The following FNBP1L variants were observed in gnomAD, a reference collection of about 807,000 sequenced individuals.
FNBP1L encodes the protein formin binding protein 1 like.
In FNBP1L, 36 loss-of-function variants were observed where a neutral mutation model predicts 91.2. The ratio of observed to expected loss-of-function variants is 0.39; its 90% confidence interval spans 0.30 to 0.52. FNBP1L has a LOEUF of 0.52. Ranked by LOEUF, FNBP1L falls within the 20% of genes least tolerant of loss-of-function variation. FNBP1L has a pLI of 0.66. For missense variants in FNBP1L, 571 were observed against 732.1 expected (o/e 0.78, Z 2.54); for synonymous variants, 242 against 237.0 (o/e 1.02, Z -0.19).
chr1:93,531,159 G>A (rs1671665456), intron 7 of FNBP1L, among the ~76,000 whole-genome samples: 1 of 152,174 alleles, frequency 6.6e-6, no homozygotes, highest in Non-Finnish European at 1.5e-5. Flanking sequence ...CATGACAAAG[G>A]AGAATTAATT....
chr1:93,522,663 T>A (rs1671368977), intron 3 of FNBP1L, among the ~76,000 whole-genome samples: 1 of 152,148 alleles, frequency 6.6e-6, no homozygotes, highest in African/African-American at 2.4e-5. Context: ...ACTCTGTATA[T>A]AATTGTCAGT....
At chr1:93,528,014 T>G (rs1419010995) in intron 5 of FNBP1L, among the ~76,000 whole-genome samples, 2 of 151,402 alleles carry the variant, frequency 1.3e-5, no homozygotes, top group African/African-American at 4.9e-5. Flanking sequence ...AAATGAAAGA[T>G]AAAGTTCAAT....
chr1:93,481,841 A>G (rs923105124), intron 1 of FNBP1L, among the ~76,000 whole-genome samples: 1 of 152,150 alleles, frequency 6.6e-6, no homozygotes, highest in African/African-American at 2.4e-5. Context: ...TTTAGGTAAA[A>G]TTTCAGTCTG....
intron 14 of FNBP1L, 147 bp downstream of exon 14, chr1:93,547,588 T>C: frequency 1.5e-6 from 1 of 646,840 alleles, no homozygotes. Context: ...GTAATTTTCT[T>C]TAGTGATAAT....
chr1:93,460,377 C>G (rs919181637), intron 1 of FNBP1L, among the ~76,000 whole-genome samples: 1 of 152,204 alleles, frequency 6.6e-6, no homozygotes, highest in African/African-American at 2.4e-5. Context: ...TTCCCAACCT[C>G]CAGAACAATG....
Position 93,524,251 on chromosome 1 carries a change from T to C in FNBP1L, c.343-10T>C. The C allele has an allele frequency of 1.4e-6, 2 of 1,475,608 alleles. No individual in the cohort carries two copies. The highest frequency in any genetic ancestry group is 3.0e-5 in the South Asian group (2 of 67,634). The allele number at this position is 1,475,608 out of a possible 1,614,324, so 91.4% of individuals were successfully genotyped here. ...TTTTTATTTTTTTTGGCCGTGGTTATAATCTTCAGCATCTGCAAGAAGGAC... is the reference window on the plus strand; with the variant it reads ...TTTTTATTTTTTTTGGCCGTGGTTACAATCTTCAGCATCTGCAAGAAGGAC... On this transcript the variant is annotated splice_polypyrimidine_tract_variant and intron_variant, in intron 4 of 16. Coordinates refer to ENST00000271234, the MANE Select transcript of FNBP1L (RefSeq NM_001164473.3).
chr1:93,502,225 T>A (rs1670460545), intron 2 of FNBP1L, among the ~76,000 whole-genome samples: 1 of 152,194 alleles, frequency 6.6e-6, no homozygotes, highest in Admixed American at 6.5e-5. Context: ...ATGATTACCG[T>A]TGTGGAACCA....
intron 2 of FNBP1L, among the ~76,000 whole-genome samples, chr1:93,516,665 G>A (rs1038091915): frequency 2.6e-5 from 4 of 151,966 alleles, no homozygotes; most frequent in African/African-American, 9.7e-5. Flanking sequence ...AATTAGCTGG[G>A]CGTGGTGGTG....
intron 1 of FNBP1L, among the ~76,000 whole-genome samples, chr1:93,461,939 G>A (rs886225034): frequency 2.6e-5 from 4 of 152,190 alleles, no homozygotes; most frequent in Admixed American, 6.5e-5. Context: ...TGAAGGACTC[G>A]TGTGTCTTAG....
At chr1:93,547,309 T>C in intron 13 of FNBP1L, 38 bp from the exon 14 acceptor site, 1 of 1,440,452 alleles carries the variant, frequency 6.9e-7, no homozygotes, top group South Asian at 1.2e-5. Context: ...TTAAACATAT[T>C]TATTGAGCTC....
rs1216973805 is a variant in FNBP1L, at chr1:93,527,049, CCTCATTTGGTGT to C, written c.406-2597_406-2586del. Among the ~76,000 whole-genome samples the C allele has an allele frequency of 4.6e-5, 7 of 152,060 alleles. No homozygotes were observed. The East Asian group carries it at 1.4e-3, about 29-fold the overall frequency. Reference sequence around the variant, plus strand: ...AGGGGCTTTGAGTAAATTACAAGTGCCTCATTTGGTGTCTCATACTAATCAAAATACCTGTAC... The same window carrying C: ...AGGGGCTTTGAGTAAATTACAAGTGCCTCATACTAATCAAAATACCTGTAC... On this transcript the variant is annotated intron_variant, in intron 5 of 16. Coordinates refer to ENST00000271234, the MANE Select transcript of FNBP1L (RefSeq NM_001164473.3).
chr1:93,451,854 G>A (rs1232115956), intron 1 of FNBP1L, among the ~76,000 whole-genome samples: 3 of 152,076 alleles, frequency 2.0e-5, no homozygotes, highest in African/African-American at 4.8e-5. Flanking sequence ...TTTTCACCAC[G>A]TTGGCCAGGC....
chr1:93,450,192 C>T (rs1668446270), intron 1 of FNBP1L, among the ~76,000 whole-genome samples: 1 of 151,798 alleles, frequency 6.6e-6, no homozygotes, highest in Non-Finnish European at 1.5e-5. Context: ...ACTTATGGTA[C>T]TACCTAAGGA....
At chr1:93,456,554 G>C (rs1395429842) in intron 1 of FNBP1L, among the ~76,000 whole-genome samples, 1 of 134,834 alleles carries the variant, frequency 7.4e-6, no homozygotes, top group Non-Finnish European at 1.6e-5. Context: ...TGGAGCTCTT[G>C]AACCCAGAGA....
rs368790036 is a variant in FNBP1L, at chr1:93,470,714, C to T, written c.24+22409C>T. ...ATGGTGAAACCCCATCTCTACTAAA[C>T]ATATAAAAATTGGCCAGGCGTCATG... On this transcript the variant is annotated intron_variant, in intron 1 of 16. Transcript: ENST00000271234. Among the ~76,000 whole-genome samples, 32 of 151,968 alleles carry T rather than the reference C, an allele frequency of 2.1e-4. No individual in the cohort carries two copies. The East Asian group carries it at 5.8e-3, about 28-fold the overall frequency.
At chr1:93,492,265 G>A (rs1670118235) in intron 1 of FNBP1L, among the ~76,000 whole-genome samples, 1 of 152,068 alleles carries the variant, frequency 6.6e-6, no homozygotes. Context: ...TTCTTTATGG[G>A]AACCAGTGGT....
chr1:93,539,942 A>G (rs529432860), intron 10 of FNBP1L, among the ~76,000 whole-genome samples: 1 of 152,296 alleles, frequency 6.6e-6, no homozygotes, highest in South Asian at 2.1e-4. Flanking sequence ...CATCTCCCCA[A>G]CACCTTCTCT....
intron 8 of FNBP1L, among the ~76,000 whole-genome samples, chr1:93,533,707 A>G (rs2101761195): frequency 6.6e-6 from 1 of 152,314 alleles, no homozygotes; most frequent in South Asian, 2.1e-4. Context: ...TGAACCTATC[A>G]AGTAGATATT....
intron 2 of FNBP1L, among the ~76,000 whole-genome samples, chr1:93,509,410 GCCA>G (rs1670741209): frequency 1.3e-5 from 2 of 152,126 alleles, no homozygotes; most frequent in South Asian, 4.2e-4. Context: ...TGCAGAATTG[GCCA>G]CGTCGTTCTA....
Sources: gnomAD v4.1 joint callset for allele counts (sites outside exome capture counted in the v4.1 genomes callset) on GRCh38, gnomAD v4.1.1 for gene constraint, MANE v1.5 for transcripts, NCBI Gene and HGNC (gene_info 2026-07-23, HGNC 2026-07-21) for gene names.